The following PHF14 variants were observed in gnomAD, a reference collection of about 807,000 sequenced individuals.
PHF14 encodes PHD finger protein 14.
A neutral mutation model predicts 117.9 loss-of-function variants in PHF14; 55 were observed. That is an observed-to-expected ratio of 0.47 (90% CI 0.38 to 0.58). The LOEUF is 0.58. Among genes scored for constraint, PHF14 ranks in the 20% least tolerant of loss-of-function variants. The probability of loss-of-function intolerance (pLI) is 0.00; values close to 1 mark genes in which losing one functional copy is unlikely to be tolerated. For synonymous variants in PHF14, 409 were observed against 368.6 expected (o/e 1.11, Z -1.26); for missense variants, 978 against 1,122.2 (o/e 0.87, Z 1.84).
intron 17 of PHF14, among the ~76,000 whole-genome samples, chr7:11,153,154 A>G (rs548945396): frequency 3.9e-5 from 6 of 152,314 alleles, no homozygotes; most frequent in East Asian, 1.9e-4. Flanking sequence ...AAACCAAAGC[A>G]AGGAGGCTGA....
At chr7:11,005,633 T>C (rs1261582824) in intron 4 of PHF14, among the ~76,000 whole-genome samples, 1 of 152,200 alleles carries the variant, frequency 6.6e-6, no homozygotes, top group Non-Finnish European at 1.5e-5. Flanking sequence ...GTATGTGGGA[T>C]ATTTCATTCT....
At chr7:11,046,111 T>C (rs1399636391) in intron 13 of PHF14, among the ~76,000 whole-genome samples, 1 of 152,202 alleles carries the variant, frequency 6.6e-6, no homozygotes, top group African/African-American at 2.4e-5. Flanking sequence ...GGTTCTATTT[T>C]GTTTGTACCT....
intron 3 of PHF14, among the ~76,000 whole-genome samples, chr7:10,989,256 T>C (rs1200534198): frequency 3.3e-5 from 5 of 152,192 alleles, no homozygotes; most frequent in Non-Finnish European, 7.4e-5. Context: ...GACCTTCAAG[T>C]GTATTCAAGT....
intron 17 of PHF14, among the ~76,000 whole-genome samples, chr7:11,151,253 A>G (rs567957298): frequency 6.6e-5 from 10 of 152,290 alleles, no homozygotes; most frequent in East Asian, 3.9e-4. Flanking sequence ...TCATTTTTAT[A>G]TATTTAAATT....
At chr7:11,055,363 T>A (rs1784982973) in intron 14 of PHF14, among the ~76,000 whole-genome samples, 1 of 152,218 alleles carries the variant, frequency 6.6e-6, no homozygotes, top group African/African-American at 2.4e-5. Context: ...TGACTTTTCA[T>A]CTTTTGTAGA....
rs901179980 is a variant in PHF14 at position 11,141,612 on chromosome 7, T to C, written c.2773-27804T>C. Among the ~76,000 whole-genome samples the C allele has an allele frequency of 2.0e-5, 3 of 152,218 alleles. No individual in the cohort carries two copies. The East Asian group carries it at 5.8e-4, about 29-fold the overall frequency. ...GTGTTATATAATAGCCTAAGTTGCA[T>C]CAGGAGTATAATTTGGTAGCTGTTT... On this transcript the variant is annotated intron_variant, in intron 17 of 17. Transcript: ENST00000634607.
chr7:10,983,515 A>G (rs1442855589), intron 3 of PHF14, among the ~76,000 whole-genome samples: 1 of 152,182 alleles, frequency 6.6e-6, no homozygotes. Context: ...TATGAAAACA[A>G]AGGTCACCTT....
chr7:11,166,847 C>T (rs1583518672), intron 17 of PHF14, among the ~76,000 whole-genome samples: 1 of 152,110 alleles, frequency 6.6e-6, no homozygotes, highest in African/African-American at 2.4e-5. Context: ...AGGTGTGAAA[C>T]AGTTATGTAC....
chr7:11,103,567 CTT>C (rs1396549580), intron 16 of PHF14: 17 of 984,464 alleles, frequency 1.7e-5, no homozygotes, highest in South Asian at 4.7e-5. Context: ...AGAAGAGACT[CTT>C]TGCTGAAATT....
chr7:11,161,730 T>A (rs1480703845), intron 17 of PHF14, among the ~76,000 whole-genome samples: 1 of 146,990 alleles, frequency 6.8e-6, no homozygotes, highest in East Asian at 1.9e-4. Context: ...ATAAAAATAT[T>A]ATATTTTATT....
intron 16 of PHF14, among the ~76,000 whole-genome samples, chr7:11,069,908 C>T (rs1469938123): frequency 1.3e-5 from 2 of 150,874 alleles, no homozygotes; most frequent in Non-Finnish European, 2.9e-5. Context: ...TACTGGCCTT[C>T]TGAATGGAGT....
chr7:11,121,574 T>C (rs1787753641), intron 17 of PHF14, among the ~76,000 whole-genome samples: 1 of 152,090 alleles, frequency 6.6e-6, no homozygotes, highest in South Asian at 2.1e-4. Flanking sequence ...TGGCTTCCCT[T>C]TGGCATATCA....
At chr7:11,164,985 C>T (rs1446623936) in intron 17 of PHF14, among the ~76,000 whole-genome samples, 2 of 152,082 alleles carry the variant, frequency 1.3e-5, no homozygotes, top group South Asian at 4.1e-4. Context: ...AGTGCAGTGG[C>T]GCGATCTCCG....
At chr7:10,996,134 A>T (rs1782638794) in intron 4 of PHF14, among the ~76,000 whole-genome samples, 1 of 152,236 alleles carries the variant, frequency 6.6e-6, no homozygotes, top group Non-Finnish European at 1.5e-5. Flanking sequence ...TCAGCAGAGG[A>T]TTAATATGGT....
intron 16 of PHF14, among the ~76,000 whole-genome samples, chr7:11,080,922 G>GT (rs1786075777): frequency 6.6e-6 from 1 of 152,148 alleles, no homozygotes; most frequent in Non-Finnish European, 1.5e-5. Context: ...CTAAGACACT[G>GT]TTGTCATTCC....
At chr7:11,050,078 T>C (rs1019082073) in intron 13 of PHF14, among the ~76,000 whole-genome samples, 1 of 151,654 alleles carries the variant, frequency 6.6e-6, no homozygotes. Flanking sequence ...ATTTTAGTAA[T>C]AATATGTTTG....
chr7:11,134,079 T>G (rs1788155004), intron 17 of PHF14, among the ~76,000 whole-genome samples: 1 of 151,998 alleles, frequency 6.6e-6, no homozygotes, highest in East Asian at 1.9e-4. Flanking sequence ...TCTTGTCTTG[T>G]CAGGAGTCAG....
At chr7:11,102,837 A>C (rs1787137294) in intron 16 of PHF14, 1 of 1,222,602 alleles carries the variant, frequency 8.2e-7, no homozygotes, top group African/African-American at 1.5e-5. Context: ...GTCTTGTCAG[A>C]ATTGTCGTAT....
intron 16 of PHF14, chr7:11,063,097 A>AT: frequency 1.1e-6 from 1 of 917,442 alleles, no homozygotes; most frequent in Non-Finnish European, 1.3e-6. Flanking sequence ...AAAGAAAGGC[A>AT]TGAAGTCTTA....
Sources: gnomAD v4.1 joint callset for allele counts (sites outside exome capture counted in the v4.1 genomes callset) on GRCh38, gnomAD v4.1.1 for gene constraint, MANE v1.5 for transcripts, NCBI Gene and HGNC (gene_info 2026-07-23, HGNC 2026-07-21) for gene names.